CHRM3: variants seen among roughly 807,000 people sequenced by gnomAD.
CHRM3 encodes the protein cholinergic receptor muscarinic 3.
A neutral mutation model predicts 41.8 loss-of-function variants in CHRM3; 11 were observed. The observed-to-expected ratio is 0.26, with a 90% CI of 0.17 to 0.44. The LOEUF (loss-of-function observed/expected upper bound fraction) is 0.44. Ranked by LOEUF, CHRM3 falls within the 20% of genes least tolerant of loss-of-function variation. CHRM3 has a pLI of 1.00. For missense variants in CHRM3, 571 were observed against 745.4 expected (o/e 0.77, Z 2.72); for synonymous variants, 297 against 301.4 (o/e 0.99, Z 0.15).
chr1:239,850,538 T>G (rs1250880604), intron 6 of CHRM3, among the ~76,000 whole-genome samples: 1 of 152,208 alleles, frequency 6.6e-6, no homozygotes, highest in East Asian at 1.9e-4. Flanking sequence ...TCATCTCATT[T>G]GTTAAGAAAT....
intron 2 of CHRM3, among the ~76,000 whole-genome samples, chr1:239,496,733 G>A (rs919541420): frequency 6.6e-6 from 1 of 151,958 alleles, no homozygotes; most frequent in African/African-American, 2.4e-5. Context: ...ACAGTCTGAA[G>A]GTTTTTAAAA....
intron 3 of CHRM3, among the ~76,000 whole-genome samples, chr1:239,607,217 T>C (rs1038562281): frequency 2.6e-5 from 4 of 152,194 alleles, no homozygotes; most frequent in Admixed American, 6.5e-5. Flanking sequence ...ACTTAATGAC[T>C]CAGTACCTTA....
chr1:239,729,233 TA>T (rs1228092337), intron 5 of CHRM3, among the ~76,000 whole-genome samples: 2 of 151,930 alleles, frequency 1.3e-5, no homozygotes, highest in Admixed American at 1.3e-4. Flanking sequence ...ATAATTTTGT[TA>T]AATCTTCATC....
chr1:239,630,815 C>T (rs1395967860), intron 3 of CHRM3, among the ~76,000 whole-genome samples: 2 of 151,868 alleles, frequency 1.3e-5, no homozygotes, highest in African/African-American at 4.8e-5. Flanking sequence ...TTTCCCAGCC[C>T]AGGGTATAAA....
rs569512923 is a variant in CHRM3 at position 239,630,224 on chromosome 1, G to T, written c.-312-2000G>T. 2.9e-4 allele frequency among the ~76,000 whole-genome samples: 44 copies of T among 152,178 alleles called. No homozygotes were observed. In the South Asian group the frequency reaches 8.7e-3, roughly 30 times the overall value. On this transcript the variant is annotated intron_variant, in intron 3 of 6. Transcript: ENST00000676153. Reference sequence around the variant, plus strand: ...GTTTATGTCTGTTTTAACATTAATGGTGCTACTTAATTTTGTATAATATGT... The same window carrying T: ...GTTTATGTCTGTTTTAACATTAATGTTGCTACTTAATTTTGTATAATATGT...
chr1:239,726,144 G>A (rs554844506), intron 5 of CHRM3, among the ~76,000 whole-genome samples: 7 of 151,890 alleles, frequency 4.6e-5, no homozygotes, highest in African/African-American at 1.4e-4. Context: ...CTTTGGAACC[G>A]CCAAGGCCCT....
intron 1 of CHRM3, among the ~76,000 whole-genome samples, chr1:239,396,234 T>C (rs1443507934): frequency 1.3e-5 from 2 of 152,186 alleles, no homozygotes; most frequent in Admixed American, 6.5e-5. Flanking sequence ...AATATCAGAC[T>C]GTGAACTCCT....
chr1:239,397,619 C>T (rs547181627), intron 1 of CHRM3, among the ~76,000 whole-genome samples: 15 of 151,352 alleles, frequency 9.9e-5, no homozygotes, highest in East Asian at 1.9e-4. Flanking sequence ...TTGCAGTGAG[C>T]GGAGATCGTG....
chr1:239,618,640 C>G (rs113688787), intron 3 of CHRM3, among the ~76,000 whole-genome samples: 22,038 of 151,024 alleles, frequency 0.15, 2,081 homozygotes, highest in African/African-American at 0.26. Context: ...GTCAGGAGAT[C>G]GAGACCATCC....
chr1:239,841,844 C>T (rs990915182), intron 6 of CHRM3, among the ~76,000 whole-genome samples: 4 of 152,180 alleles, frequency 2.6e-5, no homozygotes, highest in African/African-American at 9.6e-5. Context: ...AAAACTGGAA[C>T]TAAACAGGGT....
chr1:239,580,704 T>TATATATATATATATATACAC (rs570878631), intron 3 of CHRM3, among the ~76,000 whole-genome samples: 4 of 131,076 alleles, frequency 3.1e-5, no homozygotes, highest in African/African-American at 1.1e-4. Context: ...TATATATATA[T>TATATATATATATATATACAC]ACACACACAC....
chr1:239,768,136 C>A (rs1432856701), intron 5 of CHRM3, among the ~76,000 whole-genome samples: 2 of 152,184 alleles, frequency 1.3e-5, no homozygotes, highest in Non-Finnish European at 2.9e-5. Context: ...CATTGCAAGT[C>A]ATCTCAGAGG....
In CHRM3 at chr1:239,397,903, C is replaced by G. The variant is rs116282095; in HGVS notation, c.-521+10676C>G. Among the ~76,000 whole-genome samples, 6 of 151,724 alleles carry G rather than the reference C, an allele frequency of 4.0e-5. 1 individual carries two copies. The highest frequency in any genetic ancestry group is 8.8e-5 in the Non-Finnish European group (6 of 67,976). On this transcript the variant is annotated intron_variant, in intron 1 of 6. Transcript: ENST00000676153. ...CTTAGAATGCCAGTAACTGGGGGCA[C>G]ACAATAAAGCATTTGTTGAAAAGAA...
intron 5 of CHRM3, among the ~76,000 whole-genome samples, chr1:239,727,006 C>T (rs1016187083): frequency 1.3e-5 from 2 of 151,852 alleles, no homozygotes; most frequent in East Asian, 3.9e-4. Flanking sequence ...CACTCACTGT[C>T]TCCAAAAATT....
intron 2 of CHRM3, among the ~76,000 whole-genome samples, chr1:239,530,796 A>T (rs1302217036): frequency 1.3e-5 from 2 of 152,180 alleles, no homozygotes; most frequent in Non-Finnish European, 2.9e-5. Context: ...CGTGAAAAAC[A>T]ACAAAAAAAA....
chr1:239,416,007 G>A (rs1474483688), intron 1 of CHRM3, among the ~76,000 whole-genome samples: 1 of 152,156 alleles, frequency 6.6e-6, no homozygotes, highest in African/African-American at 2.4e-5. Context: ...CGCTGCTATG[G>A]GGCCTACCTT....
intron 5 of CHRM3, among the ~76,000 whole-genome samples, chr1:239,686,446 A>G (rs1020677040): frequency 1.2e-4 from 18 of 152,042 alleles, no homozygotes; most frequent in African/African-American, 4.1e-4. Flanking sequence ...CACCTTCAAG[A>G]CTCAGATCCA....
intron 1 of CHRM3, among the ~76,000 whole-genome samples, chr1:239,407,264 T>C (rs1246294601): frequency 6.6e-6 from 1 of 152,136 alleles, no homozygotes; most frequent in Non-Finnish European, 1.5e-5. Flanking sequence ...CATGCGTCAC[T>C]TTCATCATTC....
At chr1:239,471,197 T>C in intron 1 of CHRM3, among the ~76,000 whole-genome samples, 2 of 152,342 alleles carry the variant, frequency 1.3e-5, no homozygotes, top group Middle Eastern at 6.8e-3. Context: ...AATAAGTGTT[T>C]ATGATAGTAA....
Sources: allele counts gnomAD v4.1 joint callset (sites outside exome capture counted in the v4.1 genomes callset), GRCh38; gene constraint gnomAD v4.1.1; transcripts MANE v1.5; gene names NCBI Gene and HGNC (gene_info 2026-07-23, HGNC 2026-07-21).